The following LTO1 variants were observed in gnomAD, a reference collection of about 807,000 sequenced individuals.
LTO1 encodes the protein protein LTO1 homolog.
LTO1 carries 18 observed loss-of-function variants against 19.8 expected under a neutral mutation model. The ratio of observed to expected loss-of-function variants is 0.91; its 90% CI spans 0.63 to 1.35. The LOEUF (loss-of-function observed/expected upper bound fraction) is 1.35, where lower values mean the gene tolerates loss of function less well. LTO1 is among the 40% of genes most tolerant of loss of function. The pLI is 0.00. For synonymous variants in LTO1, 59 were observed against 59.6 expected, an observed-to-expected ratio of 0.99 and a Z score of 0.05; for missense variants, 175 against 167.9, an observed-to-expected ratio of 1.04 and a Z score of -0.23.
Position 69,668,022 on chromosome 11 carries a change from A to G in LTO1, c.228-10T>C, listed in dbSNP as rs373989869. 1 of 1,234,208 alleles carries G rather than the reference A, an allele frequency of 8.1e-7. No homozygotes were observed. Among genetic ancestry groups the G allele is most frequent in the African/African-American group, 1.5e-5 (1 of 67,724 alleles). 76.5% of individuals were successfully genotyped at this position (1,234,208 alleles called of 1,614,324 possible). ...GACCTTCATCTTTCTGCTGTAAAGC[A>G]CAGAAATACAGACTCTCAGTCATGT... On this transcript the variant is annotated splice_polypyrimidine_tract_variant and intron_variant, in intron 3 of 4. Coordinates refer to ENST00000279147, the MANE Select transcript of LTO1 (RefSeq NM_153451.3).
At position 69,667,441 on chromosome 11, in the gene LTO1, C is replaced by A; in HGVS notation, c.*78G>T. On this transcript the variant is annotated 3_prime_UTR_variant, in exon 5 of 5. Transcript: ENST00000279147. ...TGAACAACTGCCTTCCCAGCACCGT[C>A]TGGCCCTTCACCGCATTTCTAAACA... is the stretch of plus-strand genomic sequence containing the variant. 1.0e-6 allele frequency: 1 copy of A among 966,878 alleles called. No individual in the cohort carries two copies. Among genetic ancestry groups the A allele is most frequent in the South Asian group, 1.3e-5 (1 of 76,516 alleles). The allele number at this position is 966,878 out of a possible 1,614,324, so 59.9% of individuals were successfully genotyped here.
intron 2 of LTO1, chr11:69,672,600 C>T (rs879865629): frequency 6.3e-6 from 1 of 157,990 alleles, no homozygotes; most frequent in African/African-American, 2.4e-5. Context: ...CAGAGGGCAC[C>T]CATTCTTTGG....
intron 3 of LTO1, among the ~76,000 whole-genome samples, chr11:69,668,581 C>T (rs1175177451): frequency 6.6e-6 from 1 of 152,164 alleles, no homozygotes; most frequent in Non-Finnish European, 1.5e-5. Context: ...GACATCTCCC[C>T]AACACCTCTC....
chr11:69,667,281 C>A lies in LTO1; in HGVS notation c.*238G>T, dbSNP rs991976354. 4 of 559,822 alleles carry A rather than the reference C, an allele frequency of 7.1e-6. No homozygotes were observed. The African/African-American group carries it at 7.6e-5, about 11-fold the overall frequency. 34.7% of individuals were successfully genotyped at this position (559,822 alleles called of 1,614,324 possible). A position where few individuals can be genotyped will look rare whatever the true frequency, so the allele number is the denominator to read the frequency against. ...AGGCTGTCAAGTCAATGCACGAGGGCTCTGCCAGGGACGGCTTCAGCCCAA... is the reference window on the plus strand; with the variant it reads ...AGGCTGTCAAGTCAATGCACGAGGGATCTGCCAGGGACGGCTTCAGCCCAA... On this transcript the variant is annotated 3_prime_UTR_variant, in exon 5 of 5. Coordinates refer to ENST00000279147, the MANE Select transcript of LTO1 (RefSeq NM_153451.3).
In LTO1 at chr11:69,667,677, T is replaced by G; in HGVS notation, c.346-90A>C. The G allele has an allele frequency of 5.2e-6, 5 of 969,150 alleles. No homozygotes were observed. In the South Asian group the frequency reaches 5.4e-5, roughly 10 times the overall value. 60.0% of individuals were successfully genotyped at this position (969,150 alleles called of 1,614,324 possible). A position where few individuals can be genotyped will look rare whatever the true frequency, so the allele number is the denominator to read the frequency against. On this transcript the variant is annotated intron_variant, in intron 4 of 4. Transcript: ENST00000279147. ...CTCTATCTCTAGCTATAGCTTTTCC[T>G]GTCTATGTGGCCAGCCCATAAATGA...
intron 2 of LTO1, chr11:69,672,701 G>T: frequency 4.7e-6 from 1 of 212,378 alleles, no homozygotes; most frequent in Non-Finnish European, 9.7e-6. Context: ...TAATTTAATT[G>T]TATCTACCTA....
chr11:69,674,655 G>A, intron 1 of LTO1: 1 of 408,004 alleles, frequency 2.5e-6, no homozygotes, highest in South Asian at 1.8e-5. Flanking sequence ...ATGTTCGGCC[G>A]CTTTCTTAAC....
In LTO1 at chr11:69,667,838, G is replaced by A. The variant is rs200732796; in HGVS notation, c.345+57C>T. On this transcript the variant is annotated intron_variant, in intron 4 of 4. Transcript: ENST00000279147. ...AGCGGCCCCGGGAGTGCGCTGCCCC[G>A]CCTGGGAAAGGCGCAATCAGGTGCT... 63 of 944,142 alleles carry A rather than the reference G, an allele frequency of 6.7e-5. No homozygotes were observed. The Middle Eastern group carries it at 8.4e-4, about 13-fold the overall frequency. 58.5% of individuals were successfully genotyped at this position (944,142 alleles called of 1,614,324 possible). A position where few individuals can be genotyped will look rare whatever the true frequency, so the allele number is the denominator to read the frequency against.
Position 69,669,365 on chromosome 11 carries a change from CT to C in LTO1, c.228-1354del, listed in dbSNP as rs566205260. Among the ~76,000 whole-genome samples the C allele has an allele frequency of 1.6e-4, 24 of 152,340 alleles. No homozygotes were observed. In the East Asian group the frequency reaches 4.6e-3, roughly 29 times the overall value. Reference sequence around the variant, plus strand: ...CAAAGCAACCAAGACCTCCTGTGTACTTGCAAACAGCTGGTGCTCCTGGATA... The same window carrying C: ...CAAAGCAACCAAGACCTCCTGTGTACTGCAAACAGCTGGTGCTCCTGGATA... On this transcript the variant is annotated intron_variant, in intron 3 of 4. Coordinates refer to ENST00000279147, the MANE Select transcript of LTO1 (RefSeq NM_153451.3).
At chr11:69,674,477 A>C in intron 1 of LTO1, 2 of 324,738 alleles carry the variant, frequency 6.2e-6, no homozygotes, top group South Asian at 5.0e-5. Context: ...CTCCCCACTT[A>C]ATAGTTGTGT....
In LTO1 at chr11:69,667,891, G is replaced by A. The variant is rs773750099; in HGVS notation, c.345+4C>T. ...TAGCAGGAGGAAACACACAGTGCAC[G>A]CACCTGTTTAAATTTTCCTCTGATC... On this transcript the variant is annotated splice_donor_region_variant and intron_variant, in intron 4 of 4. Coordinates refer to ENST00000279147, the MANE Select transcript of LTO1 (RefSeq NM_153451.3). 7.8e-6 allele frequency: 10 copies of A among 1,290,180 alleles called. No homozygotes were observed. The highest frequency in any genetic ancestry group is 3.5e-5 in the South Asian group (3 of 84,582). 79.9% of individuals were successfully genotyped at this position (1,290,180 alleles called of 1,614,324 possible).
intron 3 of LTO1, among the ~76,000 whole-genome samples, chr11:69,669,584 C>T (rs57717020): frequency 0.063 from 9,624 of 152,246 alleles, 1,019 homozygotes; most frequent in African/African-American, 0.22. Flanking sequence ...CAGAGGACCA[C>T]GCACTTTCCA....
intron 1 of LTO1, 49 bp downstream of exon 1, chr11:69,675,141 T>G (rs763698076): frequency 6.4e-7 from 1 of 1,561,860 alleles, no homozygotes. Flanking sequence ...GCGAAGCCGC[T>G]GGGAGACGAC....
intron 1 of LTO1, chr11:69,674,824 G>GT (rs1856164715): frequency 1.9e-6 from 1 of 513,020 alleles, no homozygotes; most frequent in Non-Finnish European, 3.8e-6. Context: ...GAATACTGCC[G>GT]TATGTCCTAT....
intron 1 of LTO1, chr11:69,674,843 A>G (rs1227527794): frequency 1.8e-6 from 1 of 558,272 alleles, no homozygotes; most frequent in South Asian, 1.5e-5. Context: ...ATGATTAAGG[A>G]ACCAGAAAAA....
intron 1 of LTO1, chr11:69,674,857 G>A (rs1159364959): frequency 1.7e-6 from 1 of 593,868 alleles, no homozygotes; most frequent in Non-Finnish European, 3.2e-6. Flanking sequence ...AGAAAAAAAG[G>A]CAGCTCCCAG....
At chr11:69,668,227 C>T (rs757195969) in intron 3 of LTO1, 7 of 506,446 alleles carry the variant, frequency 1.4e-5, no homozygotes, top group Non-Finnish European at 2.1e-5. Context: ...CAAGTGTGTG[C>T]CTAGCTTACA....
rs926346884 is a variant in LTO1, at chr11:69,675,343, G to C, written c.-104C>G. Reference sequence around the variant, plus strand: ...AAATGCTCCGCTTGGGAGGAGACGAGACCCACTTCCGGAAGCGGCGGCGCG... The same window carrying C: ...AAATGCTCCGCTTGGGAGGAGACGACACCCACTTCCGGAAGCGGCGGCGCG... On this transcript the variant is annotated 5_prime_UTR_variant, in exon 1 of 5. Transcript: ENST00000279147. 3 of 971,396 alleles carry C rather than the reference G, an allele frequency of 3.1e-6. No individual in the cohort carries two copies. Among genetic ancestry groups the C allele is most frequent in the South Asian group, 1.9e-5 (1 of 52,034 alleles). The allele number at this position is 971,396 out of a possible 1,614,324, so 60.2% of individuals were successfully genotyped here. A position where few individuals can be genotyped will look rare whatever the true frequency, so the allele number is the denominator to read the frequency against.
rs756592277 is a variant in LTO1, at chr11:69,673,289, T to G, written c.83A>C (p.Glu28Ala). The G allele has an allele frequency of 1.2e-6, 2 of 1,613,098 alleles. No homozygotes were observed. Among genetic ancestry groups the G allele is most frequent in the Non-Finnish European group, 1.7e-6 (2 of 1,179,038 alleles). Residue 28 changes from glutamate to alanine, a missense_variant, in exon 2 of 5, where the codon GAA (glutamate) becomes GCA (alanine). Physicochemically the swap from Glu to Ala is moderately radical, Grantham distance 107. Coordinates refer to ENST00000279147, the MANE Select transcript of LTO1 (RefSeq NM_153451.3). Reference protein sequence around the residue: ...FHGEGYREGYEEGSSLGVMEG... With the variant: ...FHGEGYREGYAEGSSLGVMEG... ...CATCACACCCAAACTACTGCCTTCT[T>G]CATAGCCTTCCCGATACCCTTCCCC...
Sources: gnomAD v4.1 joint callset for allele counts (sites outside exome capture counted in the v4.1 genomes callset) on GRCh38, gnomAD v4.1.1 for gene constraint, MANE v1.5 for transcripts, NCBI Gene and HGNC (gene_info 2026-07-23, HGNC 2026-07-21) for gene names.